The following ACTN2 variants were observed in gnomAD, a reference collection of about 807,000 sequenced individuals.
ACTN2 encodes alpha-actinin-2.
A neutral mutation model predicts 113.8 loss-of-function variants in ACTN2; 39 were observed. That is an observed-to-expected ratio of 0.34 (90% confidence interval 0.27 to 0.45). The LOEUF is 0.45. Ranked by LOEUF, ACTN2 falls within the 20% of genes least tolerant of loss-of-function variation. The pLI is 1.00. For synonymous variants in ACTN2, 429 were observed against 444.1 expected (o/e 0.97, Z 0.43); for missense variants, 992 against 1,177.9 (o/e 0.84, Z 2.31).
chr1:236,709,249 T>TATATATATATATAC (rs1572103885), intron 1 of ACTN2, among the ~76,000 whole-genome samples: 1 of 89,110 alleles, frequency 1.1e-5, no homozygotes, highest in East Asian at 2.9e-4. Context: ...TATATATATA[T>TATATATATATATAC]ATATATACAC....
intron 20 of ACTN2, 85 bp downstream of exon 20, chr1:236,761,258 A>C: frequency 1.3e-6 from 2 of 1,528,092 alleles, no homozygotes; most frequent in Middle Eastern, 1.7e-4. Flanking sequence ...GTAAATAAAA[A>C]CCATTTTTAT....
At chr1:236,687,359 A>G (rs1397544722) in intron 1 of ACTN2, among the ~76,000 whole-genome samples, 1 of 152,210 alleles carries the variant, frequency 6.6e-6, no homozygotes. Context: ...CATTGAGGTA[A>G]GCACACAGGG....
At chr1:236,706,333 T>C (rs1487018887) in intron 1 of ACTN2, among the ~76,000 whole-genome samples, 2 of 152,268 alleles carry the variant, frequency 1.3e-5, no homozygotes, top group African/African-American at 4.8e-5. Context: ...AAATAGTTAC[T>C]GAATGCCACT....
At chr1:236,727,594 G>A (rs1658590356) in intron 5 of ACTN2, 84 bp from the exon 6 acceptor site, 1 of 1,434,968 alleles carries the variant, frequency 7.0e-7, no homozygotes, top group Non-Finnish European at 9.8e-7. Flanking sequence ...ACAGAAGGAA[G>A]GCCAACATCT....
At chr1:236,703,909 G>T (rs1657750054) in intron 1 of ACTN2, among the ~76,000 whole-genome samples, 1 of 152,078 alleles carries the variant, frequency 6.6e-6, no homozygotes, top group Admixed American at 6.6e-5. Context: ...TAAAATGTTT[G>T]TAGGAAATTT....
At chr1:236,733,863 T>A (rs1183946523) in intron 7 of ACTN2, among the ~76,000 whole-genome samples, 1 of 152,208 alleles carries the variant, frequency 6.6e-6, no homozygotes, top group Non-Finnish European at 1.5e-5. Flanking sequence ...GATTTTCAAG[T>A]GACTCATCGG....
chr1:236,760,016 C>T (rs112920668), intron 19 of ACTN2, among the ~76,000 whole-genome samples: 66 of 152,256 alleles, frequency 4.3e-4, no homozygotes, highest in African/African-American at 1.6e-3. Flanking sequence ...GAGGCCGAGG[C>T]GGATGGATCA....
chr1:236,741,987 G>A (rs558370888), intron 10 of ACTN2, among the ~76,000 whole-genome samples: 5 of 152,180 alleles, frequency 3.3e-5, no homozygotes, highest in South Asian at 4.2e-4. Context: ...CTTCCCGCAC[G>A]CACAGCACAT....
rs1457938029 is a variant in ACTN2 at position 236,686,596 on chromosome 1, C to T, written c.-78C>T. The stretch of plus-strand genomic sequence containing the variant: ...GCGCCCGCCGCCCGCCGCCCGCCGC[C>T]TCCGTGGGTCCGTTTGCCAGTCAGC... On this transcript the variant is annotated 5_prime_UTR_variant, in exon 1 of 21. Transcript: ENST00000366578. 18 of 1,441,208 alleles carry T rather than the reference C, an allele frequency of 1.2e-5. No homozygotes were observed. Among genetic ancestry groups the T allele is most frequent in the Non-Finnish European group, 1.6e-5 (18 of 1,099,246 alleles). 89.3% of individuals were successfully genotyped at this position (1,441,208 alleles called of 1,614,324 possible).
intron 1 of ACTN2, among the ~76,000 whole-genome samples, chr1:236,689,993 G>A (rs535902483): frequency 3.3e-5 from 5 of 152,330 alleles, no homozygotes; most frequent in South Asian, 2.1e-4. Context: ...GTGTCGATAC[G>A]TAAAGGGTCC....
intron 7 of ACTN2, among the ~76,000 whole-genome samples, chr1:236,733,869 A>G (rs533900281): frequency 6.6e-6 from 1 of 152,328 alleles, no homozygotes; most frequent in East Asian, 1.9e-4. Flanking sequence ...CAAGTGACTC[A>G]TCGGCCCACT....
Position 236,761,118 on chromosome 1 carries a change from A to C in ACTN2, c.2471A>C (p.Asp824Ala). The C allele has an allele frequency of 6.2e-7, 1 of 1,614,114 alleles. No individual in the cohort carries two copies. Among genetic ancestry groups the C allele is most frequent in the Non-Finnish European group, 8.5e-7 (1 of 1,180,016 alleles). Residue 824 changes from aspartate to alanine, a missense_variant, in exon 20 of 21, where the codon GAC becomes GCC. Physicochemically the swap from Asp to Ala is moderately radical, Grantham distance 126. Coordinates refer to ENST00000366578, the MANE Select transcript of ACTN2 (RefSeq NM_001103.4). ...FIDFMTRETADTDTAEQVIAS... is the reference protein window; with the variant it reads ...FIDFMTRETAATDTAEQVIAS... ...GACTTCATGACTAGAGAGACGGCTG[A>C]CACCGACACTGCCGAGCAGGTCATC...
Position 236,739,384 on chromosome 1 carries a change from T to G in ACTN2, c.959T>G (p.Leu320Arg), listed in dbSNP as rs1407369744. The G allele has an allele frequency of 1.9e-6, 3 of 1,613,638 alleles. No homozygotes were observed. In the East Asian group the frequency reaches 6.7e-5, roughly 36 times the overall value. The change falls in exon 10 of 21, where the codon CTG (leucine) becomes CGG (arginine). Residue 320 changes from leucine to arginine, a missense_variant. Physicochemically the swap from Leu to Arg is moderately radical, Grantham distance 102. Transcript: ENST00000366578. ...EKTMQAMQKK[L>R]EDFRDYRRKH... ...ACCATGCAAGCCATGCAGAAGAAGC[T>G]GGAGGACTTCCGGGATTACCGCCGG...
chr1:236,762,328 C>T (rs1027820714), intron 20 of ACTN2, 133 bp from the exon 21 acceptor site: 93 of 1,220,112 alleles, frequency 7.6e-5, no homozygotes, highest in African/African-American at 1.2e-4. Context: ...TCTGGTACTA[C>T]TATGCCAATA....
In ACTN2 at chr1:236,686,685, A is replaced by G. The variant is rs781720338; in HGVS notation, c.12A>G (p.Ile4Met). The G allele has an allele frequency of 5.8e-6, 9 of 1,561,260 alleles. No individual in the cohort carries two copies. The Middle Eastern group carries it at 5.2e-4, about 91-fold the overall frequency. The stretch of plus-strand genomic sequence containing the variant: ...GCCAACCGAGCGCCATGAACCAGAT[A>G]GAGCCCGGCGTGCAGTACAACTACG... MNQ[I>M]EPGVQYNYVY... Residue 4 changes from isoleucine (I) to methionine (M), a missense_variant, in exon 1 of 21, where the codon ATA (isoleucine) becomes ATG (methionine). Transcript: ENST00000366578.
At chr1:236,692,166 G>C (rs1241888139) in intron 1 of ACTN2, among the ~76,000 whole-genome samples, 1 of 152,256 alleles carries the variant, frequency 6.6e-6, no homozygotes, top group Non-Finnish European at 1.5e-5. Flanking sequence ...GGGGCTGTTA[G>C]AAGCAGTGGT....
At chr1:236,713,413 G>A (rs1008441562) in intron 1 of ACTN2, among the ~76,000 whole-genome samples, 1 of 152,036 alleles carries the variant, frequency 6.6e-6, no homozygotes, top group Admixed American at 6.6e-5. Context: ...TTTTTGTAGA[G>A]ACAGGGTTTC....
chr1:236,715,381 A>G (rs895932812), intron 1 of ACTN2, among the ~76,000 whole-genome samples: 1 of 147,022 alleles, frequency 6.8e-6, no homozygotes, highest in Non-Finnish European at 1.5e-5. Context: ...AAATACATAA[A>G]ATTAATATGT....
chr1:236,721,058 C>G (rs867847220), intron 4 of ACTN2, among the ~76,000 whole-genome samples: 9 of 61,588 alleles, frequency 1.5e-4, no homozygotes, highest in Admixed American at 4.9e-4. Context: ...GACGGAGTCT[C>G]ACTCTGGCAC....
Sources: allele counts gnomAD v4.1 joint callset (sites outside exome capture counted in the v4.1 genomes callset), GRCh38; gene constraint gnomAD v4.1.1; transcripts MANE v1.5; gene names NCBI Gene and HGNC (gene_info 2026-07-23, HGNC 2026-07-21).